Variants in HDAC8 observed in about 807,000 individuals in gnomAD.
The protein encoded by HDAC8 is histone deacetylase 8.
Under a neutral mutation model 32.2 loss-of-function variants are expected in HDAC8, and 1 was observed. The observed-to-expected ratio is 0.03, with a 90% CI of 0.01 to 0.15. The LOEUF (loss-of-function observed/expected upper bound fraction) is 0.15. HDAC8 is among the 10% of genes least tolerant of loss of function. HDAC8 has a pLI of 1.00. For synonymous variants in HDAC8, 108 were observed against 113.9 expected (o/e 0.95, Z 0.33); for missense variants, 117 against 300.0 (o/e 0.39, Z 4.51).
intron 9 of HDAC8, among the ~76,000 whole-genome samples, chrX:72,444,021 C>A (rs1276017211): frequency 2.7e-5 from 3 of 109,463 alleles, no homozygotes; most frequent in Non-Finnish European, 5.7e-5. Flanking sequence ...CAATAAGAGG[C>A]TCTGAAATTG....
At chrX:72,494,446 G>A (rs1479659628) in intron 5 of HDAC8, among the ~76,000 whole-genome samples, 1 of 111,104 alleles carries the variant, frequency 9.0e-6, no homozygotes, top group Non-Finnish European at 1.9e-5. Context: ...GAATTTACAG[G>A]ATAAGTGTTC....
At chrX:72,546,152 C>T (rs1556054099) in intron 4 of HDAC8, among the ~76,000 whole-genome samples, 1 of 111,268 alleles carries the variant, frequency 9.0e-6, no homozygotes, top group African/African-American at 3.3e-5. Flanking sequence ...TCTAGTTCTA[C>T]ATTCTTCCTG....
intron 4 of HDAC8, among the ~76,000 whole-genome samples, chrX:72,521,530 G>T (rs781959597): frequency 3.6e-5 from 4 of 110,745 alleles, no homozygotes; most frequent in African/African-American, 1.3e-4. Context: ...CTGGAGCAGG[G>T]ATAGTTCAGA....
At chrX:72,410,423 T>C (rs1371928786) in intron 9 of HDAC8, among the ~76,000 whole-genome samples, 10 of 110,718 alleles carry the variant, frequency 9.0e-5, no homozygotes, top group Non-Finnish European at 1.5e-4. Context: ...TGGCTGATGA[T>C]CCCATATGGG....
chrX:72,498,948 T>C (rs1176571190), intron 4 of HDAC8, among the ~76,000 whole-genome samples: 4 of 111,244 alleles, frequency 3.6e-5, no homozygotes, highest in Non-Finnish European at 7.5e-5. Context: ...GATCTCACAG[T>C]AATGAGTGAG....
chrX:72,349,936 G>T (rs2044129271), intron 10 of HDAC8, among the ~76,000 whole-genome samples: 1 of 111,598 alleles, frequency 9.0e-6, no homozygotes, highest in Non-Finnish European at 1.9e-5. Context: ...CCTGGATGGG[G>T]GAAAATGGCA....
At chrX:72,498,684 C>T (rs2049110644) in intron 4 of HDAC8, among the ~76,000 whole-genome samples, 1 of 111,626 alleles carries the variant, frequency 9.0e-6, no homozygotes, top group Non-Finnish European at 1.9e-5. Flanking sequence ...AACCTATATG[C>T]TTGGTATATT....
chrX:72,551,092 C>T (rs201553700), intron 4 of HDAC8, among the ~76,000 whole-genome samples: 3 of 110,423 alleles, frequency 2.7e-5, no homozygotes, highest in Non-Finnish European at 3.8e-5. Flanking sequence ...CACACACACA[C>T]ACACACACAC....
At chrX:72,529,966 C>T (rs1438643273) in intron 4 of HDAC8, among the ~76,000 whole-genome samples, 2 of 112,117 alleles carry the variant, frequency 1.8e-5, no homozygotes, top group African/African-American at 6.5e-5. Context: ...GTGCTTTCTT[C>T]TCCTTTGTCC....
intron 8 of HDAC8, among the ~76,000 whole-genome samples, chrX:72,462,891 A>G (rs148201977): frequency 3.4e-3 from 376 of 112,237 alleles, no homozygotes; most frequent in Non-Finnish European, 5.8e-3. Flanking sequence ...AATCTGGTCT[A>G]TTTTAGATAG....
chrX:72,361,351 A>G (rs2044543729), intron 9 of HDAC8, among the ~76,000 whole-genome samples: 1 of 111,636 alleles, frequency 9.0e-6, no homozygotes, highest in South Asian at 3.7e-4. Flanking sequence ...AATCAAGTAA[A>G]CCTGGGAAAT....
At chrX:72,414,598 A>C (rs2046285377) in intron 9 of HDAC8, among the ~76,000 whole-genome samples, 1 of 112,389 alleles carries the variant, frequency 8.9e-6, no homozygotes. Flanking sequence ...TGTGTGAAGA[A>C]TAATGTGTTA....
intron 10 of HDAC8, chrX:72,330,762 C>T (rs986106166): frequency 5.4e-5 from 6 of 110,777 alleles, no homozygotes; most frequent in African/African-American, 2.0e-4. Context: ...CCCTACTGGC[C>T]ACTTCTCTGA....
intron 10 of HDAC8, among the ~76,000 whole-genome samples, chrX:72,336,096 A>C (rs181104785): frequency 1.3e-3 from 145 of 111,453 alleles, no homozygotes; most frequent in African/African-American, 4.1e-3. Flanking sequence ...TTGTAAGAAA[A>C]TACCAAAATG....
chrX:72,524,302 C>T (rs1439012682), intron 4 of HDAC8, among the ~76,000 whole-genome samples: 1 of 112,027 alleles, frequency 8.9e-6, no homozygotes, highest in African/African-American at 3.2e-5. Context: ...ACACTCAAAA[C>T]TGGATTCTAA....
intron 9 of HDAC8, among the ~76,000 whole-genome samples, chrX:72,422,086 CTCTT>C (rs1306611408): frequency 9.0e-6 from 1 of 111,672 alleles, no homozygotes; most frequent in East Asian, 2.8e-4. Flanking sequence ...TCAAGATTCT[CTCTT>C]TGTCTTTGTC....
At chrX:72,356,948 A>G (rs1297699420) in intron 9 of HDAC8, among the ~76,000 whole-genome samples, 1 of 110,943 alleles carries the variant, frequency 9.0e-6, no homozygotes, top group Non-Finnish European at 1.9e-5. Flanking sequence ...CTCAGAGGCT[A>G]CAGCGTGGAG....
At chrX:72,521,128 C>G (rs1348235124) in intron 4 of HDAC8, among the ~76,000 whole-genome samples, 2 of 111,695 alleles carry the variant, frequency 1.8e-5, no homozygotes, top group African/African-American at 3.3e-5. Flanking sequence ...ATCCTGTTCT[C>G]AAGGACCTTT....
At chrX:72,459,787 A>G (rs1444624904) in intron 9 of HDAC8, among the ~76,000 whole-genome samples, 1 of 111,572 alleles carries the variant, frequency 9.0e-6, no homozygotes, top group Admixed American at 9.5e-5. Flanking sequence ...GGTGTCTGGC[A>G]CATAATGGGT....
Sources: allele counts gnomAD v4.1 joint callset (sites outside exome capture counted in the v4.1 genomes callset), GRCh38; gene constraint gnomAD v4.1.1; transcripts MANE v1.5; gene names NCBI Gene and HGNC (gene_info 2026-07-23, HGNC 2026-07-21).